CTBP2: variants seen among roughly 807,000 people sequenced by gnomAD.
CTBP2 encodes the protein C-terminal-binding protein 2.
CTBP2 carries 30 observed loss-of-function variants against 80.3 expected under a neutral mutation model. The ratio of observed to expected loss-of-function variants is 0.37; its 90% CI spans 0.28 to 0.51. The LOEUF (loss-of-function observed/expected upper bound fraction) is 0.51, where lower values mean the gene tolerates loss of function less well. Ranked by LOEUF, CTBP2 falls within the 20% of genes least tolerant of loss-of-function variation. The pLI, the probability that CTBP2 is intolerant of heterozygous loss-of-function variation, is 0.93. For missense variants in CTBP2, 1,212 were observed against 1,375.3 expected (o/e 0.88, Z 1.88); for synonymous variants, 594 against 587.4 (o/e 1.01, Z -0.16).
At chr10:125,040,316 A>G (rs1052845350) in intron 2 of CTBP2, among the ~76,000 whole-genome samples, 3 of 151,952 alleles carry the variant, frequency 2.0e-5, no homozygotes, top group African/African-American at 7.3e-5. Flanking sequence ...TTAGCCGGGT[A>G]TGCTGGCAGG....
intron 2 of CTBP2, among the ~76,000 whole-genome samples, chr10:125,101,866 T>G (rs931547224): frequency 2.0e-5 from 3 of 152,190 alleles, no homozygotes; most frequent in Non-Finnish European, 4.4e-5. Flanking sequence ...TGTACATATA[T>G]TCATGGGGTA....
intron 4 of CTBP2, chr10:124,997,637 C>T: frequency 2.5e-6 from 1 of 395,524 alleles, no homozygotes; most frequent in East Asian, 5.0e-5. Context: ...CACCTCCATA[C>T]AGCCCCTGCC....
intron 2 of CTBP2, among the ~76,000 whole-genome samples, chr10:125,096,802 C>A (rs1849618345): frequency 6.6e-6 from 1 of 151,794 alleles, no homozygotes; most frequent in Non-Finnish European, 1.5e-5. Context: ...GGGGAGATGT[C>A]TGATATACAA....
chr10:125,029,328 G>A (rs973147404), upstream of CTBP2, among the ~76,000 whole-genome samples: 1 of 147,258 alleles, frequency 6.8e-6, no homozygotes, highest in Non-Finnish European at 1.5e-5. Context: ...TGCAGTCTCC[G>A]CCTCCTGGGT....
chr10:125,036,348 C>G (rs1471460794), intron 3 of CTBP2, among the ~76,000 whole-genome samples: 1 of 152,056 alleles, frequency 6.6e-6, no homozygotes, highest in African/African-American at 2.4e-5. Context: ...ACGACCAGGG[C>G]TTGATGTTGG....
chr10:125,039,698 C>A (rs990442199), intron 2 of CTBP2, among the ~76,000 whole-genome samples: 2 of 152,218 alleles, frequency 1.3e-5, no homozygotes, highest in Non-Finnish European at 2.9e-5. Context: ...CACGTGAGAA[C>A]GCGGGTGGGA....
chr10:125,108,500 C>T (rs569004052), intron 2 of CTBP2, among the ~76,000 whole-genome samples: 21 of 152,316 alleles, frequency 1.4e-4, no homozygotes, highest in African/African-American at 4.1e-4. Context: ...GAAATCCATA[C>T]GTGGTCCTTA....
At chr10:125,139,238 G>C (rs56963364) in intron 1 of CTBP2, among the ~76,000 whole-genome samples, 5,302 of 151,920 alleles carry the variant, frequency 0.035, 297 homozygotes, top group African/African-American at 0.12. Context: ...GGGTGTGGTG[G>C]CGCACACCCG....
intron 2 of CTBP2, among the ~76,000 whole-genome samples, chr10:125,074,347 T>G (rs899665748): frequency 6.6e-6 from 1 of 152,200 alleles, no homozygotes; most frequent in African/African-American, 2.4e-5. Context: ...CAGTGAACAC[T>G]GTCTTTTTTT....
At chr10:125,045,449 G>C (rs1960990246) in intron 2 of CTBP2, among the ~76,000 whole-genome samples, 1 of 152,080 alleles carries the variant, frequency 6.6e-6, no homozygotes, top group African/African-American at 2.4e-5. Flanking sequence ...TACCAATAAA[G>C]AGGCGTACAG....
chr10:125,132,627 C>T (rs1476759906), intron 1 of CTBP2, among the ~76,000 whole-genome samples: 2 of 152,182 alleles, frequency 1.3e-5, no homozygotes, highest in Admixed American at 6.5e-5. Flanking sequence ...AGCCAAGCAC[C>T]AGTATTCGCA....
In CTBP2 at chr10:125,021,846, G is replaced by A. The variant is rs750370772; in HGVS notation, c.1678+4236C>T. 2.6e-5 allele frequency among the ~76,000 whole-genome samples: 4 copies of A among 152,220 alleles called. No individual in the cohort carries two copies. In the East Asian group the frequency reaches 5.8e-4, roughly 22 times the overall value. On this transcript the variant is annotated intron_variant, in intron 1 of 8. Coordinates refer to ENST00000309035, the MANE Select transcript of CTBP2 (RefSeq NM_022802.3). Reference sequence around the variant, plus strand: ...CTCACTGATGTCGGGTGTGTTCAATGTTTTGCTAGAAAAGGCTGAGCTGTC... The same window carrying A: ...CTCACTGATGTCGGGTGTGTTCAATATTTTGCTAGAAAAGGCTGAGCTGTC...
intron 2 of CTBP2, among the ~76,000 whole-genome samples, chr10:125,085,301 A>G (rs1847812821): frequency 6.6e-6 from 1 of 152,340 alleles, no homozygotes; most frequent in Admixed American, 6.5e-5. Flanking sequence ...TAAGATTCCT[A>G]CGCTGCCCTG....
Position 125,027,643 on chromosome 10 carries a change from G to A in CTBP2, c.117C>T (p.Ser39=), listed in dbSNP as rs1480110557. The A allele has an allele frequency of 1.2e-6, 2 of 1,614,078 alleles. No homozygotes were observed. The highest frequency in any genetic ancestry group is 2.2e-5 in the East Asian group (1 of 44,882). ...CCTCTGCTGTGCCATACGTCAGGGA[G>A]CTTCTCCTCCCCAGAGGCCGCAGGG... is the stretch of plus-strand genomic sequence containing the variant. Residue 39 remains serine (S), a synonymous_variant, in exon 1 of 9, where the codon AGC becomes AGT. Transcript: ENST00000309035.
At chr10:125,105,325 A>AT (rs1020419042) in intron 2 of CTBP2, among the ~76,000 whole-genome samples, 2 of 152,088 alleles carry the variant, frequency 1.3e-5, no homozygotes, top group Non-Finnish European at 2.9e-5. Context: ...TTTTAAAAAA[A>AT]TTTTTTTATA....
intron 1 of CTBP2, among the ~76,000 whole-genome samples, chr10:125,007,020 C>A (rs3781435): frequency 6.6e-6 from 1 of 152,188 alleles, no homozygotes; most frequent in African/African-American, 2.4e-5. Flanking sequence ...TACCACGGTG[C>A]GCAACCACGA....
At chr10:125,029,837 T>G (rs1957999821), upstream of CTBP2, among the ~76,000 whole-genome samples, 1 of 152,176 alleles carries the variant, frequency 6.6e-6, no homozygotes, top group African/African-American at 2.4e-5. Context: ...TAGAAGAATG[T>G]TTACCCGGTA....
chr10:125,105,286 C>A (rs1489417052), intron 2 of CTBP2, among the ~76,000 whole-genome samples: 1 of 152,162 alleles, frequency 6.6e-6, no homozygotes, highest in Admixed American at 6.5e-5. Context: ...ACCTGAGGAC[C>A]ACAGATACAC....
chr10:124,999,139 G>A (rs1954076435), intron 3 of CTBP2: 1 of 152,324 alleles, frequency 6.6e-6, no homozygotes, highest in African/African-American at 2.4e-5. Flanking sequence ...GGCCGAGCCA[G>A]GGGCGGGGCC....
Sources: gnomAD v4.1 joint callset for allele counts (sites outside exome capture counted in the v4.1 genomes callset) on GRCh38, gnomAD v4.1.1 for gene constraint, MANE v1.5 for transcripts, NCBI Gene and HGNC (gene_info 2026-07-23, HGNC 2026-07-21) for gene names.